Variants in PRKAR1B observed in about 807,000 individuals in gnomAD.
The protein encoded by PRKAR1B is cAMP-dependent protein kinase type I-beta regulatory subunit.
PRKAR1B carries 22 observed loss-of-function variants against 46.5 expected under a neutral mutation model. The observed-to-expected ratio is 0.47, with a 90% CI of 0.34 to 0.68. The LOEUF (loss-of-function observed/expected upper bound fraction) is 0.68. PRKAR1B is among the 30% of genes least tolerant of loss of function. The pLI is 0.01. For missense variants in PRKAR1B, 445 were observed against 535.6 expected (o/e 0.83, Z 1.67); for synonymous variants, 259 against 217.7 (o/e 1.19, Z -1.67).
intron 7 of PRKAR1B, 146 bp from the exon 8 acceptor site, chr7:584,714 G>T: frequency 1.5e-6 from 1 of 686,914 alleles, no homozygotes; most frequent in Non-Finnish European, 2.5e-6. Context: ...CGACGACTCG[G>T]AGTCTGCGTG....
upstream of PRKAR1B, chr7:727,435 C>G (rs1424287847): frequency 9.2e-6 from 4 of 434,048 alleles, no homozygotes; most frequent in South Asian, 1.2e-4. Context: ...CCCGCACCCC[C>G]CAACATCCCG....
chr7:712,387 C>A (rs1210311669), intron 1 of PRKAR1B: 4 of 149,528 alleles, frequency 2.7e-5, no homozygotes, highest in African/African-American at 7.3e-5. Flanking sequence ...GGGCTCCCGG[C>A]GCAGACCCCA....
intron 9 of PRKAR1B, among the ~76,000 whole-genome samples, chr7:556,068 C>T (rs1347269874): frequency 2.6e-5 from 4 of 152,314 alleles, no homozygotes; most frequent in Admixed American, 6.5e-5. Flanking sequence ...GTGGCCAGCA[C>T]GAATTTTGCT....
intron 8 of PRKAR1B, among the ~76,000 whole-genome samples, chr7:582,163 A>G (rs1391839505): frequency 1.6e-5 from 2 of 123,616 alleles, no homozygotes; most frequent in African/African-American, 6.4e-5. Context: ...GCACCTGCCC[A>G]GGGGGGAACC....
At chr7:722,210 C>T (rs867521032) in intron 1 of PRKAR1B, among the ~76,000 whole-genome samples, 7 of 149,026 alleles carry the variant, frequency 4.7e-5, no homozygotes, top group Middle Eastern at 3.4e-3. Context: ...AGGCAATTCT[C>T]GTGCCTCAGC....
intron 2 of PRKAR1B, among the ~76,000 whole-genome samples, chr7:697,403 G>C (rs115282765): frequency 0.033 from 5,094 of 152,182 alleles, 321 homozygotes; most frequent in African/African-American, 0.12. Context: ...AGCCTGCCCC[G>C]TCCCACTGAA....
At chr7:697,713 G>T (rs1233508848) in intron 2 of PRKAR1B, among the ~76,000 whole-genome samples, 1 of 151,796 alleles carries the variant, frequency 6.6e-6, no homozygotes, top group Non-Finnish European at 1.5e-5. Flanking sequence ...CCAGCCATGA[G>T]GCGGGGAAAC....
intron 9 of PRKAR1B, among the ~76,000 whole-genome samples, chr7:577,469 G>GAC (rs199547084): frequency 0.11 from 16,005 of 152,168 alleles, 1,096 homozygotes; most frequent in Non-Finnish European, 0.14. Flanking sequence ...GAGGGCCGGA[G>GAC]ACATGGGGAA....
Position 551,428 on chromosome 7 carries a change from ACTC to A in PRKAR1B, c.931_933del (p.Glu311del). Reference sequence around the variant, plus strand: ...GGTCCCAGGCGCCCCACCTCCACGTACTCCTCATTGGGGGACCGGCGCTGCAGC... The same window carrying A: ...GGTCCCAGGCGCCCCACCTCCACGTACTCATTGGGGGACCGGCGCTGCAGC... On this transcript the variant is annotated inframe_deletion, in exon 10 of 11. Coordinates refer to ENST00000537384, the MANE Select transcript of PRKAR1B (RefSeq NM_001164760.2). 1 of 1,560,080 alleles carries A rather than the reference ACTC, an allele frequency of 6.4e-7. No individual in the cohort carries two copies. Among genetic ancestry groups the A allele is most frequent in the Non-Finnish European group, 8.7e-7 (1 of 1,151,942 alleles).
intron 9 of PRKAR1B, among the ~76,000 whole-genome samples, chr7:572,667 C>T (rs1347018169): frequency 6.6e-6 from 1 of 152,240 alleles, no homozygotes; most frequent in Non-Finnish European, 1.5e-5. Context: ...GCACAGCAGG[C>T]TGCCATTGCA....
intron 4 of PRKAR1B, among the ~76,000 whole-genome samples, chr7:630,501 G>T (rs1397064048): frequency 6.6e-6 from 1 of 152,154 alleles, no homozygotes; most frequent in Non-Finnish European, 1.5e-5. Flanking sequence ...TGCCCTGGGG[G>T]TCCCACGGCT....
chr7:715,721 A>AT lies in PRKAR1B; in HGVS notation c.-22-4195dup, dbSNP rs1021739327. ...AACTCCAACCAAAGAGCCACATTTTATTTTTTTTTTTTGAGACAGAGTCTC... is the reference window on the plus strand; with the variant it reads ...AACTCCAACCAAAGAGCCACATTTTATTTTTTTTTTTTTGAGACAGAGTCTC... On this transcript the variant is annotated intron_variant, in intron 1 of 10. Coordinates refer to ENST00000537384, the MANE Select transcript of PRKAR1B (RefSeq NM_001164760.2). Among the ~76,000 whole-genome samples, 1,269 of 146,186 alleles carry AT rather than the reference A, an allele frequency of 8.7e-3. 14 individuals carry two copies. The highest frequency in any genetic ancestry group is 0.025 in the African/African-American group (1,001 of 40,144).
rs147317636 is a variant in PRKAR1B, at chr7:575,306, G to A, written c.891+3950C>T. ...CTGGGGCTGCGCTGGCTGGGTATGC[G>A]TCTCAGAGCACAGCTGCTGGGCCCC... is the stretch of plus-strand genomic sequence containing the variant. On this transcript the variant is annotated intron_variant, in intron 9 of 10. Transcript: ENST00000537384. 6.2e-3 allele frequency among the ~76,000 whole-genome samples: 940 copies of A among 152,328 alleles called. 6 individuals are homozygous for A. The highest frequency in any genetic ancestry group is 0.02 in the Middle Eastern group (6 of 294).
At chr7:656,695 G>A (rs1468271398) in intron 4 of PRKAR1B, among the ~76,000 whole-genome samples, 1 of 152,164 alleles carries the variant, frequency 6.6e-6, no homozygotes, top group Non-Finnish European at 1.5e-5. Flanking sequence ...ATGAGTGAAT[G>A]GATGGATAAA....
Position 584,568 on chromosome 7 carries a change from C to A in PRKAR1B, c.709G>T (p.Gly237Cys). 3 of 1,613,480 alleles carry A rather than the reference C, an allele frequency of 1.9e-6. No individual in the cohort carries two copies. The highest frequency in any genetic ancestry group is 2.5e-6 in the Non-Finnish European group (3 of 1,179,742). The change falls in exon 8 of 11, where the codon GGC (glycine) becomes TGC (cysteine). Residue 237 changes from glycine (G) to cysteine (C), a missense_variant and splice_region_variant. This residue lies in a region of PRKAR1B where 51 missense variants were observed against 85.1 expected (regional missense o/e 0.60). Transcript: ENST00000537384. ...DRDSYRRILM[G>C]STLRKRKMYE... ...ATCTTGCGTTTCCTCAGCGTGCTGC[C>A]CTGTTCGGGAGAAAGTAAAAAACAG...
chr7:671,703 C>A (rs1786265644), intron 4 of PRKAR1B, among the ~76,000 whole-genome samples: 1 of 152,116 alleles, frequency 6.6e-6, no homozygotes, highest in South Asian at 2.1e-4. Context: ...ATTGAGATCT[C>A]CATTTTCCTG....
intron 4 of PRKAR1B, among the ~76,000 whole-genome samples, chr7:618,167 G>A (rs1782934930): frequency 6.6e-6 from 1 of 152,174 alleles, no homozygotes; most frequent in Admixed American, 6.5e-5. Flanking sequence ...CCTGCACTCA[G>A]CTCACAGGCA....
In PRKAR1B at chr7:633,642, T is replaced by C. The variant is rs1783885104; in HGVS notation, c.441-26190A>G. Among the ~76,000 whole-genome samples, 3 of 152,144 alleles carry C rather than the reference T, an allele frequency of 2.0e-5. No homozygotes were observed. In the South Asian group the frequency reaches 6.2e-4, roughly 32 times the overall value. ...AGCTGGGTGTGGTGGTGCATGCCTG[T>C]GGTCCTGATTTTATTGAGCTCAGAC... On this transcript the variant is annotated intron_variant, in intron 4 of 10. Coordinates refer to ENST00000537384, the MANE Select transcript of PRKAR1B (RefSeq NM_001164760.2).
At chr7:655,953 C>T (rs781752645) in intron 4 of PRKAR1B, among the ~76,000 whole-genome samples, 14 of 152,148 alleles carry the variant, frequency 9.2e-5, no homozygotes, top group African/African-American at 2.2e-4. Flanking sequence ...GGTCTGCCCC[C>T]GCGTAAGTGG....
Sources: allele counts gnomAD v4.1 joint callset (sites outside exome capture counted in the v4.1 genomes callset), GRCh38; gene constraint gnomAD v4.1.1; regional missense constraint gnomAD v4.1.1; transcripts MANE v1.5; gene names NCBI Gene and HGNC (gene_info 2026-07-23, HGNC 2026-07-21).